Variants in SLC28A2 observed in about 807,000 individuals in gnomAD.
SLC28A2 encodes the protein sodium/nucleoside cotransporter 2.
Under a neutral mutation model 72.9 loss-of-function variants are expected in SLC28A2, and 69 were observed. That is an observed-to-expected ratio of 0.95 (90% confidence interval 0.78 to 1.16). The LOEUF (loss-of-function observed/expected upper bound fraction) is 1.16, where lower values mean the gene tolerates loss of function less well. SLC28A2 is among the 50% of genes most tolerant of loss of function. The pLI, the probability that SLC28A2 is intolerant of heterozygous loss-of-function variation, is 0.00. For missense variants in SLC28A2, 745 were observed against 791.1 expected (o/e 0.94, Z 0.70); for synonymous variants, 296 against 294.1 (o/e 1.01, Z -0.07).
Position 45,275,791 on chromosome 15 carries a change from C to T in SLC28A2, c.*278C>T, listed in dbSNP as rs532689266. 9.0e-6 allele frequency: 2 copies of T among 222,404 alleles called. No individual in the cohort carries two copies. Among genetic ancestry groups the T allele is most frequent in the South Asian group, 1.8e-4 (2 of 11,180 alleles). 13.8% of individuals were successfully genotyped at this position (222,404 alleles called of 1,614,324 possible). A position where few individuals can be genotyped will look rare whatever the true frequency, so the allele number is the denominator to read the frequency against. ...TCTACTAAAAATACAAAAAATTAGC[C>T]GGGAGTGGTGTCGGGCGACTGTAGT... On this transcript the variant is annotated 3_prime_UTR_variant, in exon 18 of 18. Coordinates refer to ENST00000347644, the MANE Select transcript of SLC28A2 (RefSeq NM_004212.4).
intron 3 of SLC28A2, among the ~76,000 whole-genome samples, chr15:45,260,410 G>T (rs1161439380): frequency 2.0e-5 from 3 of 152,218 alleles, no homozygotes; most frequent in Non-Finnish European, 4.4e-5. Context: ...GGAAGGCCAG[G>T]ATTGAAATTA....
intron 5 of SLC28A2, 84 bp downstream of exon 5, chr15:45,263,328 T>C: frequency 7.4e-7 from 1 of 1,353,724 alleles, no homozygotes; most frequent in Non-Finnish European, 1.0e-6. Context: ...CTGAGCAGGC[T>C]CTCAGACCTG....
chr15:45,270,668 C>T (rs1054117996), intron 15 of SLC28A2, among the ~76,000 whole-genome samples: 38 of 151,794 alleles, frequency 2.5e-4, no homozygotes, highest in African/African-American at 2.2e-4. Flanking sequence ...CACTCTGTTG[C>T]GCAGGCTGGA....
At chr15:45,259,055 T>A (rs747337101) in intron 3 of SLC28A2, among the ~76,000 whole-genome samples, 4 of 152,228 alleles carry the variant, frequency 2.6e-5, no homozygotes, top group African/African-American at 9.6e-5. Context: ...AAGGAACTTG[T>A]GCATCTTTTC....
At position 45,264,539 on chromosome 15, in the gene SLC28A2, C is replaced by T. The variant is rs572704368; in HGVS notation, c.589-116C>T. 1.0e-4 allele frequency: 73 copies of T among 705,618 alleles called. No individual in the cohort carries two copies. In the South Asian group the frequency reaches 1.2e-3, roughly 12 times the overall value. 43.7% of individuals were successfully genotyped at this position (705,618 alleles called of 1,614,324 possible). A position where few individuals can be genotyped will look rare whatever the true frequency, so the allele number is the denominator to read the frequency against. On this transcript the variant is annotated intron_variant, in intron 6 of 17. Transcript: ENST00000347644. ...TGCCCCTGCTCCCTATGCCATCAGA[C>T]CCTAGACTTACTGTTAATATTCTAG...
At chr15:45,265,715 G>A (rs1900311528) in intron 9 of SLC28A2, 52 bp downstream of exon 9, 1 of 1,266,752 alleles carries the variant, frequency 7.9e-7, no homozygotes, top group Non-Finnish European at 1.2e-6. Context: ...CCTGTCATCA[G>A]TCAGCTTTGG....
chr15:45,271,558 T>C (rs554790592), intron 15 of SLC28A2, among the ~76,000 whole-genome samples: 1 of 100,934 alleles, frequency 9.9e-6, no homozygotes, highest in East Asian at 2.2e-4. Context: ...GGAGGTCCTG[T>C]AGAAAGAAAA....
In SLC28A2 at chr15:45,269,368, G is replaced by T; in HGVS notation, c.1399G>T (p.Val467Phe). Residue 467 changes from valine to phenylalanine, a missense_variant, in exon 14 of 18, where the codon GTT (valine) becomes TTT (phenylalanine). Transcript: ENST00000347644. ...CTGCTCCTATCTCCTAAGGCCCATG[G>T]TTTTCATGATGGGTGTAGAGTGGAC... ...VICSYLLRPM[V>F]FMMGVEWTDC... 1 of 1,613,984 alleles carries T rather than the reference G, an allele frequency of 6.2e-7. No homozygotes were observed.
At position 45,253,259 on chromosome 15, in the gene SLC28A2, T is replaced by G. The variant is rs766547667; in HGVS notation, c.44T>G (p.Val15Gly). The G allele has an allele frequency of 1.2e-6, 2 of 1,613,744 alleles. No homozygotes were observed. Among genetic ancestry groups the G allele is most frequent in the African/African-American group, 2.7e-5 (2 of 74,920 alleles). Reference sequence around the variant, plus strand: ...AGACAGTCCATTGCTCTGTCCACAGTGGAGACTGGCACAGTGAACCCGGGG... The same window carrying G: ...AGACAGTCCATTGCTCTGTCCACAGGGGAGACTGGCACAGTGAACCCGGGG... ...SGRQSIALSTVETGTVNPGLE... is the reference protein window; with the variant it reads ...SGRQSIALSTGETGTVNPGLE... Residue 15 changes from valine (V) to glycine (G), a missense_variant, in exon 2 of 18, where the codon GTG becomes GGG. Physicochemically the swap from Val to Gly is moderately radical, Grantham distance 109. Coordinates refer to ENST00000347644, the MANE Select transcript of SLC28A2 (RefSeq NM_004212.4).
Position 45,254,658 on chromosome 15 carries a change from C to G in SLC28A2, c.170+1138C>G, listed in dbSNP as rs138863043. 2.9e-3 allele frequency among the ~76,000 whole-genome samples: 437 copies of G among 152,280 alleles called. 1 individual carries two copies. Among genetic ancestry groups the G allele is most frequent in the Middle Eastern group, 6.8e-3 (2 of 294 alleles). On this transcript the variant is annotated intron_variant, in intron 3 of 17. Coordinates refer to ENST00000347644, the MANE Select transcript of SLC28A2 (RefSeq NM_004212.4). ...ATCCCTGTTGTTAAGTAACACATGA[C>G]TATATATGGAGATGATTCAGAGCAG...
intron 3 of SLC28A2, among the ~76,000 whole-genome samples, chr15:45,256,241 C>T (rs533383393): frequency 2.0e-5 from 3 of 152,232 alleles, no homozygotes; most frequent in African/African-American, 7.2e-5. Context: ...TACTTCATTA[C>T]CCAGGCTGGT....
intron 6 of SLC28A2, among the ~76,000 whole-genome samples, chr15:45,264,361 T>C (rs1900259727): frequency 6.6e-6 from 1 of 152,250 alleles, no homozygotes; most frequent in Non-Finnish European, 1.5e-5. Flanking sequence ...GTGCAGATAG[T>C]ACTGTTAAAA....
At chr15:45,275,320 A>T in intron 17 of SLC28A2, 76 bp from the exon 18 acceptor site, 1 of 837,142 alleles carries the variant, frequency 1.2e-6, no homozygotes, top group Non-Finnish European at 2.0e-6. Flanking sequence ...TCAGCTGCTT[A>T]GTATAACTTA....
chr15:45,267,413 T>C (rs765671900), intron 10 of SLC28A2, 42 bp from the exon 11 acceptor site: 5 of 1,612,010 alleles, frequency 3.1e-6, no homozygotes, highest in Non-Finnish European at 4.2e-6. Context: ...GCATGGGGAG[T>C]TACACCTTCT....
chr15:45,267,650 G>A lies in SLC28A2; in HGVS notation c.1069-16G>A. 1 of 1,614,114 alleles carries A rather than the reference G, an allele frequency of 6.2e-7. No individual in the cohort carries two copies. Among genetic ancestry groups the A allele is most frequent in the Non-Finnish European group, 8.5e-7 (1 of 1,180,018 alleles). ...GTTTGATAGAAACACTGATGCCTAA[G>A]TCTGGCGCCTCACAGGTTGATGCAT... is the stretch of plus-strand genomic sequence containing the variant. On this transcript the variant is annotated splice_polypyrimidine_tract_variant and intron_variant, in intron 11 of 17. Transcript: ENST00000347644.
chr15:45,253,431 G>A lies in SLC28A2; in HGVS notation c.82-1G>A. Reference sequence around the variant, plus strand: ...GATCCCAATGCTCTCTGTGCTTGTAGGAAAAAGAAGTAGAGCCTGAGGGAA... The same window carrying A: ...GATCCCAATGCTCTCTGTGCTTGTAAGAAAAAGAAGTAGAGCCTGAGGGAA... On this transcript the variant is annotated splice_acceptor_variant, in intron 2 of 17. Coordinates refer to ENST00000347644, the MANE Select transcript of SLC28A2 (RefSeq NM_004212.4). LOFTEE classifies it high-confidence loss of function. 6.2e-7 allele frequency: 1 copy of A among 1,612,992 alleles called. No individual in the cohort carries two copies. The highest frequency in any genetic ancestry group is 1.1e-5 in the South Asian group (1 of 91,044).
intron 16 of SLC28A2, 93 bp downstream of exon 16, chr15:45,272,486 G>T: frequency 9.7e-7 from 1 of 1,029,234 alleles, no homozygotes. Context: ...TGAGTACAGG[G>T]GCAACAAAGA....
At chr15:45,259,704 AT>A (rs988316781) in intron 3 of SLC28A2, among the ~76,000 whole-genome samples, 1 of 152,184 alleles carries the variant, frequency 6.6e-6, no homozygotes. Flanking sequence ...CTAGGTACTA[AT>A]TTAGGCACCA....
chr15:45,257,306 C>A lies in SLC28A2; in HGVS notation c.170+3786C>A, dbSNP rs564527319. 2.6e-5 allele frequency among the ~76,000 whole-genome samples: 4 copies of A among 152,300 alleles called. No homozygotes were observed. In the South Asian group the frequency reaches 8.3e-4, roughly 32 times the overall value. On this transcript the variant is annotated intron_variant, in intron 3 of 17. Coordinates refer to ENST00000347644, the MANE Select transcript of SLC28A2 (RefSeq NM_004212.4). ...TCTTTCTCCAAACTTCCATAACATT[C>A]TATCTGACCCTCTCTTATAACACTT...
Sources: allele counts gnomAD v4.1 joint callset (sites outside exome capture counted in the v4.1 genomes callset), GRCh38; gene constraint gnomAD v4.1.1; transcripts MANE v1.5; gene names NCBI Gene and HGNC (gene_info 2026-07-23, HGNC 2026-07-21).